GRK3: variants seen among roughly 807,000 people sequenced by gnomAD.
GRK3 encodes G protein-coupled receptor kinase 3.
GRK3 carries 54 observed loss-of-function variants against 95.7 expected under a neutral mutation model. That is an observed-to-expected ratio of 0.56 (90% CI 0.45 to 0.71). The LOEUF (loss-of-function observed/expected upper bound fraction) is 0.71. GRK3 is among the 30% of genes least tolerant of loss of function. The probability of loss-of-function intolerance (pLI) is 0.00; values close to 1 mark genes in which losing one functional copy is unlikely to be tolerated. For missense variants in GRK3, 649 were observed against 851.2 expected (o/e 0.76, Z 2.96); for synonymous variants, 281 against 290.8 (o/e 0.97, Z 0.34).
At chr22:25,657,712 A>T (rs1461668325) in intron 3 of GRK3, among the ~76,000 whole-genome samples, 3 of 152,014 alleles carry the variant, frequency 2.0e-5, no homozygotes, top group African/African-American at 4.8e-5. Flanking sequence ...TTATATATAT[A>T]TTTTTTACCA....
At chr22:25,692,075 C>T (rs1569197998) in intron 12 of GRK3, among the ~76,000 whole-genome samples, 1 of 152,146 alleles carries the variant, frequency 6.6e-6, no homozygotes, top group African/African-American at 2.4e-5. Context: ...GTGATCCTCC[C>T]ACCTCAGCTT....
chr22:25,621,303 C>G (rs1301979527), intron 2 of GRK3, among the ~76,000 whole-genome samples: 1 of 152,214 alleles, frequency 6.6e-6, no homozygotes, highest in Non-Finnish European at 1.5e-5. Context: ...TTTTCCCAAA[C>G]AAAGAAACCT....
chr22:25,720,868 A>G (rs1241332026), intron 19 of GRK3, among the ~76,000 whole-genome samples: 5 of 152,202 alleles, frequency 3.3e-5, no homozygotes, highest in Non-Finnish European at 7.3e-5. Context: ...TGACATCAGT[A>G]AACATTTACT....
At chr22:25,610,971 C>T (rs1451739803) in intron 2 of GRK3, among the ~76,000 whole-genome samples, 4 of 152,232 alleles carry the variant, frequency 2.6e-5, no homozygotes, top group East Asian at 1.9e-4. Flanking sequence ...AAATGATTCT[C>T]GTGCCTCAGC....
chr22:25,675,591 G>A (rs5752196), intron 8 of GRK3, among the ~76,000 whole-genome samples: 8,481 of 152,260 alleles, frequency 0.056, 369 homozygotes, highest in East Asian at 0.21. Context: ...GCTTGGTGGA[G>A]TAGTATAGTG....
chr22:25,667,384 A>G (rs2084949364), intron 5 of GRK3, among the ~76,000 whole-genome samples: 1 of 152,178 alleles, frequency 6.6e-6, no homozygotes, highest in African/African-American at 2.4e-5. Context: ...GAATTTCAAA[A>G]TGGCAACAAC....
intron 5 of GRK3, among the ~76,000 whole-genome samples, chr22:25,665,130 C>T (rs968382260): frequency 6.6e-6 from 1 of 152,210 alleles, no homozygotes; most frequent in African/African-American, 2.4e-5. Context: ...ACACTGCGCT[C>T]TCCCTGAAAG....
chr22:25,639,596 C>T (rs77299190), intron 2 of GRK3, among the ~76,000 whole-genome samples: 2,910 of 152,154 alleles, frequency 0.019, 47 homozygotes, highest in Admixed American at 0.03. Context: ...AATTGGATAG[C>T]GTTAAGGCTT....
At chr22:25,583,173 T>A (rs749831199) in intron 1 of GRK3, among the ~76,000 whole-genome samples, 1 of 151,980 alleles carries the variant, frequency 6.6e-6, no homozygotes, top group Non-Finnish European at 1.5e-5. Context: ...ATCAAATGAG[T>A]CGCCTGTTTG....
intron 2 of GRK3, among the ~76,000 whole-genome samples, chr22:25,611,831 CTTTTT>C (rs752711382): frequency 1.7e-5 from 2 of 118,776 alleles, no homozygotes; most frequent in African/African-American, 6.4e-5. Context: ...AGTTTAGTGT[CTTTTT>C]TTTTTTTTTT....
intron 1 of GRK3, among the ~76,000 whole-genome samples, chr22:25,604,072 G>T (rs7284433): frequency 6.6e-6 from 1 of 152,160 alleles, no homozygotes; most frequent in African/African-American, 2.4e-5. Context: ...GTGTTTGTGC[G>T]TGCAGACACA....
intron 2 of GRK3, among the ~76,000 whole-genome samples, chr22:25,609,987 A>G (rs1238381812): frequency 6.6e-6 from 1 of 151,194 alleles, no homozygotes; most frequent in Non-Finnish European, 1.5e-5. Context: ...AGCTGGGATT[A>G]CAGGCACACG....
intron 3 of GRK3, among the ~76,000 whole-genome samples, chr22:25,650,270 T>A (rs982102682): frequency 1.3e-5 from 2 of 152,202 alleles, no homozygotes; most frequent in African/African-American, 4.8e-5. Context: ...TTCGAACTCC[T>A]GACCTCGTGA....
chr22:25,706,068 C>G (rs1192200761), intron 15 of GRK3, among the ~76,000 whole-genome samples: 1 of 152,148 alleles, frequency 6.6e-6, no homozygotes, highest in African/African-American at 2.4e-5. Flanking sequence ...GGATTCCTTT[C>G]TAGATTTGGG....
chr22:25,589,921 A>G (rs1287583721), intron 1 of GRK3, among the ~76,000 whole-genome samples: 1 of 152,164 alleles, frequency 6.6e-6, no homozygotes, highest in Non-Finnish European at 1.5e-5. Flanking sequence ...TTATAAAACC[A>G]TCAGATCTCG....
At chr22:25,713,160 C>T (rs113161446) in intron 17 of GRK3, among the ~76,000 whole-genome samples, 4 of 152,140 alleles carry the variant, frequency 2.6e-5, no homozygotes, top group Non-Finnish European at 4.4e-5. Context: ...GGGCAAGGAG[C>T]ATGCTTTGAC....
At chr22:25,629,823 G>A (rs2084652388) in intron 2 of GRK3, among the ~76,000 whole-genome samples, 1 of 152,162 alleles carries the variant, frequency 6.6e-6, no homozygotes, top group African/African-American at 2.4e-5. Flanking sequence ...GATGACAGGT[G>A]GCTGGGAGCT....
At chr22:25,578,288 T>G (rs553744521) in intron 1 of GRK3, among the ~76,000 whole-genome samples, 1 of 152,104 alleles carries the variant, frequency 6.6e-6, no homozygotes, top group East Asian at 1.9e-4. Context: ...ACCTGTTGTA[T>G]CAGAAAAAAA....
chr22:25,725,236 AT>A lies in GRK3; in HGVS notation c.*2794del, dbSNP rs970779091. 28 of 238,836 alleles carry A rather than the reference AT, an allele frequency of 1.2e-4. No homozygotes were observed. Among genetic ancestry groups the A allele is most frequent in the East Asian group, 2.3e-4 (3 of 12,812 alleles). 14.8% of individuals were successfully genotyped at this position (238,836 alleles called of 1,614,324 possible). A position where few individuals can be genotyped will look rare whatever the true frequency, so the allele number is the denominator to read the frequency against. Reference sequence around the variant, plus strand: ...TATTAAAAAGGTCAAAATTCAGCCTATTTTTTTTCATTATTTTAGATTCCTG... The same window carrying A: ...TATTAAAAAGGTCAAAATTCAGCCTATTTTTTTCATTATTTTAGATTCCTG... On this transcript the variant is annotated 3_prime_UTR_variant, in exon 21 of 21. Coordinates refer to ENST00000324198, the MANE Select transcript of GRK3 (RefSeq NM_005160.4).
Sources: gnomAD v4.1 joint callset for allele counts (sites outside exome capture counted in the v4.1 genomes callset) on GRCh38, gnomAD v4.1.1 for gene constraint, MANE v1.5 for transcripts, NCBI Gene and HGNC (gene_info 2026-07-23, HGNC 2026-07-21) for gene names.